GPC6: variants seen among roughly 807,000 people sequenced by gnomAD.
GPC6 encodes the protein glypican-6.
A neutral mutation model predicts 55.2 loss-of-function variants in GPC6; 14 were observed. The ratio of observed to expected loss-of-function variants is 0.25; its 90% CI spans 0.17 to 0.40. The LOEUF (loss-of-function observed/expected upper bound fraction) is 0.40. GPC6 is among the 10% of genes least tolerant of loss of function. GPC6 has a pLI of 1.00. For synonymous variants in GPC6, 278 were observed against 259.6 expected, an observed-to-expected ratio of 1.07 and a Z score of -0.68; for missense variants, 641 against 708.5, an observed-to-expected ratio of 0.90 and a Z score of 1.08.
chr13:94,165,979 T>G (rs1888355046), intron 4 of GPC6, among the ~76,000 whole-genome samples: 1 of 152,078 alleles, frequency 6.6e-6, no homozygotes. Context: ...GGAAGAAAAT[T>G]TTTCATGTAT....
At chr13:94,258,136 T>G (rs1891556998) in intron 4 of GPC6, among the ~76,000 whole-genome samples, 1 of 152,198 alleles carries the variant, frequency 6.6e-6, no homozygotes, top group Non-Finnish European at 1.5e-5. Context: ...GTTTCTAGAA[T>G]TTTTGTTGAC....
intron 1 of GPC6, among the ~76,000 whole-genome samples, chr13:93,457,888 G>T (rs1878525489): frequency 6.6e-6 from 1 of 152,090 alleles, no homozygotes; most frequent in Non-Finnish European, 1.5e-5. Context: ...ATTTGTAGCT[G>T]TCTAGCTAAA....
intron 3 of GPC6, among the ~76,000 whole-genome samples, chr13:94,015,436 A>T (rs1204844821): frequency 6.6e-6 from 1 of 152,156 alleles, no homozygotes; most frequent in African/African-American, 2.4e-5. Context: ...TATCAGATAT[A>T]TGATTTACAA....
At chr13:93,839,546 A>G (rs906715967) in intron 3 of GPC6, among the ~76,000 whole-genome samples, 1 of 152,190 alleles carries the variant, frequency 6.6e-6, no homozygotes, top group African/African-American at 2.4e-5. Flanking sequence ...TTCTGAATGT[A>G]AACTGTGGCT....
At position 93,790,017 on chromosome 13, in the gene GPC6, C is replaced by T. The variant is rs181977707; in HGVS notation, c.320-40137C>T. ...AATATGTAAATCTGCTTTATAAAAT[C>T]GGTCAATTGAAAATGTGGCAACATG... On this transcript the variant is annotated intron_variant, in intron 2 of 8. Transcript: ENST00000377047. 1.7e-3 allele frequency among the ~76,000 whole-genome samples: 254 copies of T among 152,132 alleles called. 2 individuals are homozygous for T. The highest frequency in any genetic ancestry group is 5.6e-3 in the African/African-American group (231 of 41,520).
chr13:93,842,142 G>A (rs887870279), intron 3 of GPC6, among the ~76,000 whole-genome samples: 1 of 152,130 alleles, frequency 6.6e-6, no homozygotes, highest in African/African-American at 2.4e-5. Context: ...ACAACATTTA[G>A]TAAGAAGTAC....
intron 4 of GPC6, among the ~76,000 whole-genome samples, chr13:94,049,307 C>A (rs1051820149): frequency 1.3e-5 from 2 of 151,262 alleles, no homozygotes; most frequent in African/African-American, 2.4e-5. Flanking sequence ...TCCTCCCCAA[C>A]CCCCCACTGA....
chr13:93,250,727 C>A lies in GPC6; in HGVS notation c.160+23111C>A, dbSNP rs541180518. On this transcript the variant is annotated intron_variant, in intron 1 of 8. Transcript: ENST00000377047. ...AAGTTGGTCCAGGTAGCCCACCAGG[C>A]AATCTCTTCACAGAATCCTAGGCAG... Among the ~76,000 whole-genome samples the A allele has an allele frequency of 9.5e-4, 145 of 152,292 alleles. 1 individual carries two copies. The highest frequency in any genetic ancestry group is 3.3e-3 in the African/African-American group (139 of 41,568).
intron 4 of GPC6, among the ~76,000 whole-genome samples, chr13:94,044,200 T>G (rs926107184): frequency 1.3e-5 from 2 of 151,902 alleles, no homozygotes; most frequent in African/African-American, 4.8e-5. Context: ...TTATCTTTCC[T>G]GTACTTCTTT....
intron 2 of GPC6, among the ~76,000 whole-genome samples, chr13:93,561,809 G>GC (rs74561455): frequency 6.6e-6 from 1 of 152,166 alleles, no homozygotes; most frequent in East Asian, 1.9e-4. Flanking sequence ...ACAGGCTCCT[G>GC]CCTGAGCAGA....
At chr13:94,019,274 A>G (rs1882608142) in intron 3 of GPC6, among the ~76,000 whole-genome samples, 1 of 152,016 alleles carries the variant, frequency 6.6e-6, no homozygotes, top group African/African-American at 2.4e-5. Context: ...TTATTTCTTC[A>G]TGATTCAGTC....
intron 1 of GPC6, among the ~76,000 whole-genome samples, chr13:93,513,474 A>C (rs1437760822): frequency 6.6e-6 from 1 of 152,208 alleles, no homozygotes; most frequent in African/African-American, 2.4e-5. Flanking sequence ...ATATTGTTTG[A>C]CTATGATTCT....
At chr13:93,550,184 T>A (rs1024093796) in intron 2 of GPC6, among the ~76,000 whole-genome samples, 1 of 152,116 alleles carries the variant, frequency 6.6e-6, no homozygotes, top group African/African-American at 2.4e-5. Context: ...CAAAGCCTAG[T>A]GGTTTCTGTC....
At chr13:94,278,141 C>T (rs773507863) in intron 4 of GPC6, among the ~76,000 whole-genome samples, 30 of 152,062 alleles carry the variant, frequency 2.0e-4, no homozygotes, top group African/African-American at 4.6e-4. Flanking sequence ...CTCCTTGACG[C>T]GGTCCTTCAC....
chr13:93,308,280 A>G (rs1296963072), intron 1 of GPC6, among the ~76,000 whole-genome samples: 5 of 152,174 alleles, frequency 3.3e-5, no homozygotes, highest in Admixed American at 6.5e-5. Flanking sequence ...GTGAGACTCC[A>G]TCTCAGAAAA....
chr13:93,994,556 T>C (rs959817641), intron 3 of GPC6, among the ~76,000 whole-genome samples: 4 of 152,190 alleles, frequency 2.6e-5, no homozygotes, highest in Non-Finnish European at 4.4e-5. Context: ...TTTTCCTTCT[T>C]TCTTTAAGGC....
chr13:93,728,139 A>G (rs761432447), intron 2 of GPC6, among the ~76,000 whole-genome samples: 3 of 152,088 alleles, frequency 2.0e-5, no homozygotes, highest in Non-Finnish European at 2.9e-5. Context: ...CTGTACCAAC[A>G]CTGTTCATCC....
At chr13:93,504,482 G>GT (rs55771607) in intron 1 of GPC6, among the ~76,000 whole-genome samples, 10,842 of 129,940 alleles carry the variant, frequency 0.083, 1,157 homozygotes, top group African/African-American at 0.23. Flanking sequence ...AAACAACATA[G>GT]TTTTTTTTTT....
intron 2 of GPC6, among the ~76,000 whole-genome samples, chr13:93,637,236 A>G (rs189275628): frequency 4.6e-5 from 7 of 152,272 alleles, no homozygotes; most frequent in African/African-American, 1.7e-4. Flanking sequence ...ACTCGCTTTA[A>G]GGGTGCAGTA....
Sources: gnomAD v4.1 joint callset for allele counts (sites outside exome capture counted in the v4.1 genomes callset) on GRCh38, gnomAD v4.1.1 for gene constraint, MANE v1.5 for transcripts, NCBI Gene and HGNC (gene_info 2026-07-23, HGNC 2026-07-21) for gene names.